The following PTPRD variants were observed in gnomAD, a reference collection of about 807,000 sequenced individuals.
The protein encoded by PTPRD is protein tyrosine phosphatase receptor type D, also known as receptor-type tyrosine-protein phosphatase delta.
In PTPRD, 34 loss-of-function variants were observed where a neutral mutation model predicts 214.5. The ratio of observed to expected loss-of-function variants is 0.16; its 90% CI spans 0.12 to 0.21. The LOEUF (loss-of-function observed/expected upper bound fraction) is 0.21. Ranked by LOEUF, PTPRD falls within the 10% of genes least tolerant of loss-of-function variation. PTPRD has a pLI of 1.00. For missense variants in PTPRD, 2,545 were observed against 2,398.7 expected, an observed-to-expected ratio of 1.06 and a Z score of -1.27; for synonymous variants, 1,128 against 845.7, an observed-to-expected ratio of 1.33 and a Z score of -5.79.
At chr9:8,691,681 A>C (rs541288103) in intron 12 of PTPRD, among the ~76,000 whole-genome samples, 1 of 152,336 alleles carries the variant, frequency 6.6e-6, no homozygotes, top group South Asian at 2.1e-4. Flanking sequence ...AGATTCCAAG[A>C]GGCCAAACAA....
rs1228343629 is a variant in PTPRD at position 10,193,687 on chromosome 9, C to T, written c.-545+147276G>A. On this transcript the variant is annotated intron_variant, in intron 3 of 45. Coordinates refer to ENST00000381196, the MANE Select transcript of PTPRD (RefSeq NM_002839.4). ...GAATTTCTTTGTAAGATTCTATTAG[C>T]ACTTCTTCTTGTAGCAAAGGTTCTC... Among the ~76,000 whole-genome samples the T allele has an allele frequency of 2.0e-5, 3 of 152,098 alleles. No homozygotes were observed. In the East Asian group the frequency reaches 5.8e-4, roughly 29 times the overall value.
chr9:9,678,995 A>T (rs2096999460), intron 7 of PTPRD, among the ~76,000 whole-genome samples: 2 of 151,824 alleles, frequency 1.3e-5, no homozygotes, highest in Admixed American at 1.3e-4. Context: ...GGTACATCAG[A>T]GTAATAATGC....
intron 7 of PTPRD, among the ~76,000 whole-genome samples, chr9:9,603,987 A>T (rs926734387): frequency 2.0e-5 from 3 of 151,998 alleles, no homozygotes; most frequent in Non-Finnish European, 2.9e-5. Flanking sequence ...ACTCATTAAA[A>T]TTTTTTTTAA....
At chr9:8,872,740 C>G (rs765139327) in intron 11 of PTPRD, among the ~76,000 whole-genome samples, 1 of 152,178 alleles carries the variant, frequency 6.6e-6, no homozygotes, top group Non-Finnish European at 1.5e-5. Context: ...TAAAAACCAT[C>G]TAGGGACAGT....
chr9:9,083,041 G>GA (rs1211149399), intron 10 of PTPRD, among the ~76,000 whole-genome samples: 3 of 152,050 alleles, frequency 2.0e-5, no homozygotes, highest in South Asian at 2.1e-4. Flanking sequence ...CACAGAATTA[G>GA]AAAAAACTAC....
intron 2 of PTPRD, among the ~76,000 whole-genome samples, chr9:10,366,800 T>TA (rs1239637320): frequency 6.6e-6 from 1 of 152,198 alleles, no homozygotes; most frequent in South Asian, 2.1e-4. Flanking sequence ...ATACGTGCAC[T>TA]AAAAAAACTC....
chr9:9,845,540 A>C (rs1373038376), intron 5 of PTPRD, among the ~76,000 whole-genome samples: 1 of 151,808 alleles, frequency 6.6e-6, no homozygotes, highest in Non-Finnish European at 1.5e-5. Context: ...AGCTGTTTTC[A>C]ATACCTAAGG....
In PTPRD at chr9:10,327,837, G is replaced by C. The variant is rs561880853; in HGVS notation, c.-545+13126C>G. The stretch of plus-strand genomic sequence containing the variant: ...AACTTTTTGAGAAGGTCTCCTGTCA[G>C]GGCTGTCTGGTAGTTCCAGGGCTCC... On this transcript the variant is annotated intron_variant, in intron 3 of 45. Transcript: ENST00000381196. Among the ~76,000 whole-genome samples the C allele has an allele frequency of 2.0e-5, 3 of 151,808 alleles. No individual in the cohort carries two copies. The East Asian group carries it at 5.8e-4, about 30-fold the overall frequency.
At chr9:10,424,872 A>G (rs969283905) in intron 2 of PTPRD, among the ~76,000 whole-genome samples, 2 of 151,958 alleles carry the variant, frequency 1.3e-5, no homozygotes, top group Non-Finnish European at 2.9e-5. Flanking sequence ...TTCTCTAATA[A>G]TCACTTTTTT....
At chr9:9,630,631 G>A (rs927579022) in intron 7 of PTPRD, among the ~76,000 whole-genome samples, 1 of 152,184 alleles carries the variant, frequency 6.6e-6, no homozygotes, top group Non-Finnish European at 1.5e-5. Context: ...TGAAAAAGAG[G>A]AGAGTCAGTA....
intron 2 of PTPRD, among the ~76,000 whole-genome samples, chr9:10,342,809 T>C (rs1325837064): frequency 6.6e-6 from 1 of 152,112 alleles, no homozygotes. Context: ...AATGTGCTTG[T>C]GTGTTTTCTT....
intron 8 of PTPRD, among the ~76,000 whole-genome samples, chr9:9,480,906 G>C (rs879569031): frequency 2.0e-5 from 3 of 152,162 alleles, no homozygotes; most frequent in Non-Finnish European, 2.9e-5. Flanking sequence ...TAATCATGCT[G>C]TCTACAGGCT....
rs115036291 is a variant in PTPRD, at chr9:8,892,251, G to A, written c.-104+126446C>T. ...TAGAACTCCTTGGATTCTGGCATAT[G>A]ACTTCTCTAGCAGGGAGTAGGCCAT... On this transcript the variant is annotated intron_variant, in intron 11 of 45. Coordinates refer to ENST00000381196, the MANE Select transcript of PTPRD (RefSeq NM_002839.4). 5.9e-3 allele frequency among the ~76,000 whole-genome samples: 887 copies of A among 150,790 alleles called. 5 individuals carry two copies. The highest frequency in any genetic ancestry group is 0.02 in the African/African-American group (837 of 40,970).
At chr9:10,185,943 T>C (rs1261568449) in intron 3 of PTPRD, among the ~76,000 whole-genome samples, 2 of 152,172 alleles carry the variant, frequency 1.3e-5, no homozygotes, top group Non-Finnish European at 2.9e-5. Flanking sequence ...TCCAGAGTGA[T>C]TTCTAGCAGA....
chr9:8,349,448 C>T (rs541679333), intron 39 of PTPRD, among the ~76,000 whole-genome samples: 2 of 152,272 alleles, frequency 1.3e-5, no homozygotes, highest in East Asian at 3.9e-4. Flanking sequence ...GATTGTACTT[C>T]TAAAAGCAAA....
At chr9:9,023,409 T>G (rs973266515) in intron 10 of PTPRD, among the ~76,000 whole-genome samples, 2 of 152,120 alleles carry the variant, frequency 1.3e-5, no homozygotes, top group African/African-American at 4.8e-5. Context: ...TATGAATTTT[T>G]GGCACACATG....
intron 3 of PTPRD, among the ~76,000 whole-genome samples, chr9:10,308,410 C>A (rs148634573): frequency 3.3e-5 from 5 of 151,878 alleles, no homozygotes; most frequent in Non-Finnish European, 7.4e-5. Context: ...TTTTCCATTC[C>A]ATTAGTCTAT....
In PTPRD at chr9:8,868,797, G is replaced by A. The variant is rs2098243907; in HGVS notation, c.-103-134851C>T. Among the ~76,000 whole-genome samples, 4 of 152,190 alleles carry A rather than the reference G, an allele frequency of 2.6e-5. No individual in the cohort carries two copies. The South Asian group carries it at 8.3e-4, about 32-fold the overall frequency. On this transcript the variant is annotated intron_variant, in intron 11 of 45. Transcript: ENST00000381196. ...TGCTTTCAGCATATCTTATTGCTTA[G>A]TTTTCATGTATGCCCATTCATCCCG...
At chr9:8,900,312 G>A (rs185489361) in intron 11 of PTPRD, among the ~76,000 whole-genome samples, 2 of 152,272 alleles carry the variant, frequency 1.3e-5, no homozygotes, top group East Asian at 1.9e-4. Context: ...TTGTGCACAG[G>A]AATGAAGATA....
Sources: gnomAD v4.1 joint callset for allele counts (sites outside exome capture counted in the v4.1 genomes callset) on GRCh38, gnomAD v4.1.1 for gene constraint, MANE v1.5 for transcripts, NCBI Gene and HGNC (gene_info 2026-07-23, HGNC 2026-07-21) for gene names.